The following FGF12 variants were observed in gnomAD, a reference collection of about 807,000 sequenced individuals.
The protein encoded by FGF12 is fibroblast growth factor 12.
A neutral mutation model predicts 23.6 loss-of-function variants in FGF12; 14 were observed. The observed-to-expected ratio is 0.59, with a 90% CI of 0.39 to 0.93. The LOEUF (loss-of-function observed/expected upper bound fraction) is 0.93. FGF12 is among the 40% of genes least tolerant of loss of function. The probability of loss-of-function intolerance (pLI) is 0.00; values close to 1 mark genes in which losing one functional copy is unlikely to be tolerated. For synonymous variants in FGF12, 62 were observed against 77.3 expected (o/e 0.80, Z 1.04); for missense variants, 175 against 217.8 (o/e 0.80, Z 1.24).
intron 4 of FGF12, among the ~76,000 whole-genome samples, chr3:192,176,323 T>C (rs76655084): frequency 6.6e-6 from 1 of 152,328 alleles, no homozygotes; most frequent in East Asian, 1.9e-4. Flanking sequence ...TCTCATAGCA[T>C]TTGATATTTC....
chr3:192,300,525 G>C (rs1715281927), intron 4 of FGF12, among the ~76,000 whole-genome samples: 1 of 151,920 alleles, frequency 6.6e-6, no homozygotes, highest in African/African-American at 2.4e-5. Flanking sequence ...TGCCAATTTT[G>C]GTCAAGTCAG....
At chr3:192,546,887 T>TA (rs889765050) in intron 2 of FGF12, among the ~76,000 whole-genome samples, 1 of 151,894 alleles carries the variant, frequency 6.6e-6, no homozygotes, top group African/African-American at 2.4e-5. Context: ...CCATCTCTAC[T>TA]AAAAAATACA....
At chr3:192,445,307 A>AT (rs1722320341) in intron 2 of FGF12, among the ~76,000 whole-genome samples, 1 of 152,194 alleles carries the variant, frequency 6.6e-6, no homozygotes, top group African/African-American at 2.4e-5. Context: ...AGGAAGGGGC[A>AT]TTTGAGGTTA....
chr3:192,384,980 A>G (rs1719980945), intron 2 of FGF12, among the ~76,000 whole-genome samples: 1 of 152,220 alleles, frequency 6.6e-6, no homozygotes. Context: ...TATATACAGT[A>G]GCAACAGATA....
In FGF12 at chr3:192,581,357, G is replaced by A. The variant is rs150399039; in HGVS notation, c.13+145824C>T. Reference sequence around the variant, plus strand: ...GAGGCAGGAGGATGTCTTGAGCCCAGGAGTTTGAGACTGTAGCCTAAGCAA... The same window carrying A: ...GAGGCAGGAGGATGTCTTGAGCCCAAGAGTTTGAGACTGTAGCCTAAGCAA... On this transcript the variant is annotated intron_variant, in intron 2 of 5. Coordinates refer to ENST00000445105, the MANE Select transcript of FGF12 (RefSeq NM_004113.6). Among the ~76,000 whole-genome samples, 14 of 151,538 alleles carry A rather than the reference G, an allele frequency of 9.2e-5. No individual in the cohort carries two copies. In the East Asian group the frequency reaches 2.7e-3, roughly 29 times the overall value.
intron 4 of FGF12, among the ~76,000 whole-genome samples, chr3:192,234,467 T>A (rs1484454945): frequency 6.6e-6 from 1 of 152,230 alleles, no homozygotes; most frequent in Admixed American, 6.5e-5. Context: ...AGGTATAGAA[T>A]CATATCATCT....
intron 2 of FGF12, among the ~76,000 whole-genome samples, chr3:192,383,471 T>C (rs1719912606): frequency 6.6e-6 from 1 of 151,720 alleles, no homozygotes; most frequent in South Asian, 2.1e-4. Context: ...AGATAAACCT[T>C]TGAGGTCAGA....
intron 2 of FGF12, among the ~76,000 whole-genome samples, chr3:192,647,961 T>C (rs185903314): frequency 6.6e-6 from 1 of 151,950 alleles, no homozygotes; most frequent in African/African-American, 2.4e-5. Flanking sequence ...ACATCTATTA[T>C]CAAATGTGAT....
intron 2 of FGF12, among the ~76,000 whole-genome samples, chr3:192,503,487 C>T (rs907997257): frequency 2.0e-5 from 3 of 151,874 alleles, no homozygotes; most frequent in Non-Finnish European, 4.4e-5. Context: ...CTGCCCAATA[C>T]CATTTTACAT....
chr3:192,432,620 CAAAA>C (rs201364119), intron 2 of FGF12, among the ~76,000 whole-genome samples: 2,265 of 106,568 alleles, frequency 0.021, 21 homozygotes, highest in Non-Finnish European at 0.028. Flanking sequence ...TGACATCTGG[CAAAA>C]AAAAAAAAAA....
chr3:192,565,482 TA>T (rs926552540), intron 2 of FGF12, among the ~76,000 whole-genome samples: 2 of 152,258 alleles, frequency 1.3e-5, no homozygotes, highest in African/African-American at 4.8e-5. Flanking sequence ...TATAAGATTA[TA>T]ATACCATATT....
intron 4 of FGF12, among the ~76,000 whole-genome samples, chr3:192,212,428 A>G (rs1340600576): frequency 6.6e-6 from 1 of 152,216 alleles, no homozygotes; most frequent in East Asian, 1.9e-4. Context: ...TGTGTTATGT[A>G]AAACGGTGTG....
intron 3 of FGF12, among the ~76,000 whole-genome samples, chr3:192,344,000 A>C (rs1717827259): frequency 7.0e-6 from 1 of 143,548 alleles, no homozygotes; most frequent in African/African-American, 2.5e-5. Flanking sequence ...TAATTTAATG[A>C]GGTTGCAATT....
intron 2 of FGF12, among the ~76,000 whole-genome samples, chr3:192,462,955 A>T (rs1313032835): frequency 6.6e-6 from 1 of 152,202 alleles, no homozygotes; most frequent in Non-Finnish European, 1.5e-5. Flanking sequence ...ATGTACGAAG[A>T]GTTTGTGGGG....
chr3:192,372,178 A>G (rs1484251514), intron 2 of FGF12, among the ~76,000 whole-genome samples: 2 of 152,214 alleles, frequency 1.3e-5, no homozygotes, highest in African/African-American at 4.8e-5. Context: ...AACAGGACAC[A>G]TTATTTGGGC....
chr3:192,603,855 G>A (rs766595727), intron 2 of FGF12, among the ~76,000 whole-genome samples: 5 of 152,080 alleles, frequency 3.3e-5, no homozygotes, highest in Admixed American at 3.3e-4. Flanking sequence ...AACAGGGTTC[G>A]AGAGCAGAGA....
chr3:192,607,428 G>A (rs1280524995), intron 2 of FGF12, among the ~76,000 whole-genome samples: 2 of 152,134 alleles, frequency 1.3e-5, no homozygotes, highest in African/African-American at 2.4e-5. Flanking sequence ...GGAGTTTCAG[G>A]GGTGTCAGAC....
At chr3:192,256,440 T>G (rs1055970423) in intron 4 of FGF12, among the ~76,000 whole-genome samples, 5 of 149,182 alleles carry the variant, frequency 3.4e-5, no homozygotes, top group African/African-American at 1.3e-4. Flanking sequence ...TTACATATTT[T>G]ATGTTTACTT....
At chr3:192,247,067 AG>A (rs1402826228) in intron 4 of FGF12, among the ~76,000 whole-genome samples, 1 of 147,518 alleles carries the variant, frequency 6.8e-6, no homozygotes, top group Non-Finnish European at 1.5e-5. Flanking sequence ...GAAGGAAGGA[AG>A]GAAGGAAGGA....
Sources: allele counts gnomAD v4.1 joint callset (sites outside exome capture counted in the v4.1 genomes callset), GRCh38; gene constraint gnomAD v4.1.1; transcripts MANE v1.5; gene names NCBI Gene and HGNC (gene_info 2026-07-23, HGNC 2026-07-21).